The following MAPK4 variants were observed in gnomAD, a reference collection of about 807,000 sequenced individuals.
MAPK4 encodes the protein Erk3-related.
A neutral mutation model predicts 47.7 loss-of-function variants in MAPK4; 22 were observed. That is an observed-to-expected ratio of 0.46 (90% CI 0.33 to 0.66). MAPK4 has a LOEUF of 0.66. MAPK4 is among the 30% of genes least tolerant of loss of function. The probability of loss-of-function intolerance (pLI) is 0.02; values close to 1 mark genes in which losing one functional copy is unlikely to be tolerated. For missense variants in MAPK4, 736 were observed against 831.7 expected, an observed-to-expected ratio of 0.88 and a Z score of 1.42; for synonymous variants, 390 against 365.7, an observed-to-expected ratio of 1.07 and a Z score of -0.76.
intron 1 of MAPK4, among the ~76,000 whole-genome samples, chr18:50,600,183 G>A (rs1291120616): frequency 7.9e-5 from 12 of 152,170 alleles, no homozygotes; most frequent in Non-Finnish European, 1.5e-4. Context: ...AACAGTCGGC[G>A]ACTTCCAGCT....
intron 1 of MAPK4, among the ~76,000 whole-genome samples, chr18:50,660,491 C>T (rs16952354): frequency 0.022 from 3,346 of 152,240 alleles, 113 homozygotes; most frequent in African/African-American, 0.076. Flanking sequence ...TTCCAGTCAA[C>T]GGATATTTTC....
At chr18:50,646,838 C>T (rs1052114865) in intron 1 of MAPK4, among the ~76,000 whole-genome samples, 1 of 152,156 alleles carries the variant, frequency 6.6e-6, no homozygotes, top group African/African-American at 2.4e-5. Context: ...GGTATGGACC[C>T]TTGCCCACCT....
rs185109855 is a variant in MAPK4, at chr18:50,731,782, A to T, written c.*1928A>T. ...TTTAAAAAATTTATTAAACATTATTAAACTTGATCAGGTCAGGCCAAATAA... is the reference window on the plus strand; with the variant it reads ...TTTAAAAAATTTATTAAACATTATTTAACTTGATCAGGTCAGGCCAAATAA... On this transcript the variant is annotated 3_prime_UTR_variant, in exon 6 of 6. Transcript: ENST00000400384. The T allele has an allele frequency of 4.3e-4, 66 of 152,354 alleles. No individual in the cohort carries two copies. Among genetic ancestry groups the T allele is most frequent in the Admixed American group, 1.7e-3 (26 of 15,308 alleles). The allele number at this position is 152,354 out of a possible 1,614,324, so 9.4% of individuals were successfully genotyped here. A position where few individuals can be genotyped will look rare whatever the true frequency, so the allele number is the denominator to read the frequency against.
chr18:50,723,669 C>G (rs1368438309), intron 4 of MAPK4, among the ~76,000 whole-genome samples: 1 of 152,116 alleles, frequency 6.6e-6, no homozygotes, highest in African/African-American at 2.4e-5. Flanking sequence ...TTCAGGCCAG[C>G]CTGGGCAACA....
At chr18:50,726,934 TAA>T (rs1568100696) in intron 5 of MAPK4, among the ~76,000 whole-genome samples, 1 of 152,226 alleles carries the variant, frequency 6.6e-6, no homozygotes, top group East Asian at 1.9e-4. Flanking sequence ...GCTGCAAGGT[TAA>T]GAGACTGGCA....
intron 1 of MAPK4, among the ~76,000 whole-genome samples, chr18:50,591,362 A>G (rs192560596): frequency 1.3e-5 from 2 of 152,068 alleles, no homozygotes; most frequent in East Asian, 3.9e-4. Context: ...TTCATTCTAC[A>G]TTCTTCCATC....
chr18:50,572,129 A>G (rs542569217), intron 1 of MAPK4, among the ~76,000 whole-genome samples: 88 of 152,338 alleles, frequency 5.8e-4, no homozygotes, highest in African/African-American at 2.0e-3. Flanking sequence ...ATGAAGTTTC[A>G]ATACTTGCAG....
intron 1 of MAPK4, among the ~76,000 whole-genome samples, chr18:50,651,004 C>T (rs533001826): frequency 4.6e-5 from 7 of 152,234 alleles, no homozygotes; most frequent in South Asian, 4.2e-4. Flanking sequence ...ACAGGAGTGA[C>T]CTTGGAAGAG....
chr18:50,632,906 A>G (rs2042844949), intron 1 of MAPK4, among the ~76,000 whole-genome samples: 1 of 152,128 alleles, frequency 6.6e-6, no homozygotes, highest in Admixed American at 6.6e-5. Context: ...AGGTGTGAGC[A>G]ACTGCGCCTG....
intron 1 of MAPK4, among the ~76,000 whole-genome samples, chr18:50,578,784 C>G (rs1364143890): frequency 6.6e-6 from 1 of 152,144 alleles, no homozygotes; most frequent in African/African-American, 2.4e-5. Context: ...CAGTACTGCT[C>G]CCATAATGCT....
At chr18:50,702,758 T>C (rs1310543548) in intron 2 of MAPK4, among the ~76,000 whole-genome samples, 2 of 152,148 alleles carry the variant, frequency 1.3e-5, no homozygotes, top group Non-Finnish European at 2.9e-5. Context: ...TGATAGTCTT[T>C]GCAGTTGAAC....
chr18:50,722,158 G>A, intron 4 of MAPK4, 59 bp downstream of exon 4: 1 of 1,560,408 alleles, frequency 6.4e-7, no homozygotes, highest in Non-Finnish European at 8.7e-7. Flanking sequence ...GCTCCACCTT[G>A]CGGGGTAGGG....
chr18:50,688,958 C>T (rs1405243067), intron 2 of MAPK4, among the ~76,000 whole-genome samples: 2 of 151,644 alleles, frequency 1.3e-5, no homozygotes, highest in East Asian at 1.9e-4. Context: ...AAAAGAGGCT[C>T]GCATAAAGCT....
intron 1 of MAPK4, among the ~76,000 whole-genome samples, chr18:50,586,420 G>A (rs1001643893): frequency 1.3e-5 from 2 of 151,570 alleles, no homozygotes; most frequent in Non-Finnish European, 2.9e-5. Context: ...GAGGATAACA[G>A]ATCTAAAAGT....
In MAPK4 at chr18:50,560,218, C is replaced by T. The variant is rs1268190228; in HGVS notation, c.-896C>T. 1 of 151,276 alleles carries T rather than the reference C, an allele frequency of 6.6e-6. No individual in the cohort carries two copies. Among genetic ancestry groups the T allele is most frequent in the African/African-American group, 2.4e-5 (1 of 41,282 alleles). The allele number at this position is 151,276 out of a possible 1,614,324, so 9.4% of individuals were successfully genotyped here. A position where few individuals can be genotyped will look rare whatever the true frequency, so the allele number is the denominator to read the frequency against. On this transcript the variant is annotated 5_prime_UTR_variant, in exon 1 of 6. Transcript: ENST00000400384. ...AGACAAAGGGCGGCTCGCGCCCGGG[C>T]CGCCACGCTCTCGGGCTCTGCCTCG...
intron 1 of MAPK4, among the ~76,000 whole-genome samples, chr18:50,653,035 A>G (rs1407269720): frequency 6.6e-6 from 1 of 152,132 alleles, no homozygotes; most frequent in African/African-American, 2.4e-5. Flanking sequence ...TTAAAAAAGA[A>G]AAACCTAGCT....
chr18:50,661,506 T>G (rs2043171556), intron 1 of MAPK4, among the ~76,000 whole-genome samples: 1 of 152,218 alleles, frequency 6.6e-6, no homozygotes, highest in African/African-American at 2.4e-5. Context: ...AGCCTTGGTA[T>G]CCTCACCTGT....
intron 1 of MAPK4, among the ~76,000 whole-genome samples, chr18:50,623,998 G>C (rs79789420): frequency 6.6e-6 from 1 of 152,206 alleles, no homozygotes; most frequent in Admixed American, 6.5e-5. Flanking sequence ...CTCAGGCCAC[G>C]TGATTTCTTT....
At chr18:50,614,272 A>C (rs1183969668) in intron 1 of MAPK4, among the ~76,000 whole-genome samples, 1 of 152,128 alleles carries the variant, frequency 6.6e-6, no homozygotes, top group Admixed American at 6.5e-5. Flanking sequence ...AAGACTAAAA[A>C]ATTAAATGTG....
Sources: allele counts gnomAD v4.1 joint callset (sites outside exome capture counted in the v4.1 genomes callset), GRCh38; gene constraint gnomAD v4.1.1; transcripts MANE v1.5; gene names NCBI Gene and HGNC (gene_info 2026-07-23, HGNC 2026-07-21).